Variants in RFX3 observed in about 807,000 individuals in gnomAD.
RFX3 encodes transcription factor RFX3.
In RFX3, 14 loss-of-function variants were observed where a neutral mutation model predicts 98.6. That is an observed-to-expected ratio of 0.14 (90% CI 0.09 to 0.22). RFX3 has a LOEUF of 0.22. Among genes scored for constraint, RFX3 ranks in the 10% least tolerant of loss-of-function variants. The pLI is 1.00. For missense variants in RFX3, 639 were observed against 926.9 expected, an observed-to-expected ratio of 0.69 and a Z score of 4.03; for synonymous variants, 383 against 328.4, an observed-to-expected ratio of 1.17 and a Z score of -1.80.
chr9:3,255,928 G>GA (rs1822077682), intron 14 of RFX3, among the ~76,000 whole-genome samples: 1 of 151,748 alleles, frequency 6.6e-6, no homozygotes, highest in African/African-American at 2.4e-5. Flanking sequence ...AGAGCTTTGT[G>GA]AAAAAAATCC....
intron 5 of RFX3, among the ~76,000 whole-genome samples, chr9:3,294,422 A>G (rs1328517849): frequency 6.6e-6 from 1 of 152,162 alleles, no homozygotes; most frequent in Admixed American, 6.5e-5. Flanking sequence ...AGCACCAACC[A>G]TGAGCCAAGT....
rs58128098 is a variant in RFX3, at chr9:3,504,238, T to C, written c.-9+21509A>G. Among the ~76,000 whole-genome samples the C allele has an allele frequency of 1.6e-4, 21 of 130,192 alleles. No individual in the cohort carries two copies. The East Asian group carries it at 4.4e-3, about 27-fold the overall frequency. 85.4% of individuals were successfully genotyped at this position (130,192 alleles called of 152,430 possible). ...ATATACTATATTATATACTATATAT[T>C]ATATATATATTTTATATATAATATA... On this transcript the variant is annotated intron_variant, in intron 1 of 16. Coordinates refer to ENST00000617270, the MANE Select transcript of RFX3 (RefSeq NM_001282116.2).
At chr9:3,366,703 TTTC>T (rs746390387) in intron 2 of RFX3, among the ~76,000 whole-genome samples, 17 of 118,280 alleles carry the variant, frequency 1.4e-4, no homozygotes, top group South Asian at 1.3e-3. Context: ...CCTTTCTTTC[TTTC>T]TTTCTTTCTT....
Position 3,224,873 on chromosome 9 carries a change from A to T in RFX3, c.*169T>A, listed in dbSNP as rs528662639. 6 of 573,748 alleles carry T rather than the reference A, an allele frequency of 1.0e-5. No homozygotes were observed. The highest frequency in any genetic ancestry group is 8.7e-6 in the Non-Finnish European group (3 of 343,552). The allele number at this position is 573,748 out of a possible 1,614,324, so 35.5% of individuals were successfully genotyped here. A position where few individuals can be genotyped will look rare whatever the true frequency, so the allele number is the denominator to read the frequency against. ...GCAAATAATTTGTTTACGTTAAAAA[A>T]AAAGATCTGGCAAAATACATACACC... On this transcript the variant is annotated 3_prime_UTR_variant, in exon 17 of 17. Transcript: ENST00000617270.
At chr9:3,499,295 C>G (rs1474610707) in intron 1 of RFX3, among the ~76,000 whole-genome samples, 2 of 151,948 alleles carry the variant, frequency 1.3e-5, no homozygotes, top group African/African-American at 2.4e-5. Flanking sequence ...TAAGTTAAAA[C>G]TAGGAATCCC....
At chr9:3,480,804 C>A (rs935376614) in intron 1 of RFX3, among the ~76,000 whole-genome samples, 4 of 150,506 alleles carry the variant, frequency 2.7e-5, no homozygotes, top group African/African-American at 7.4e-5. Context: ...ACATGCCCTG[C>A]CTGTCTTAGA....
chr9:3,340,516 C>T (rs932679809), intron 3 of RFX3, among the ~76,000 whole-genome samples: 1 of 152,056 alleles, frequency 6.6e-6, no homozygotes, highest in Admixed American at 6.5e-5. Flanking sequence ...TGACAGAGGG[C>T]TAATATCCAG....
chr9:3,369,629 G>A (rs1837580720), intron 2 of RFX3, among the ~76,000 whole-genome samples: 1 of 152,160 alleles, frequency 6.6e-6, no homozygotes, highest in Admixed American at 6.5e-5. Context: ...GACTGCTTCT[G>A]AAGATGTAAG....
intron 2 of RFX3, among the ~76,000 whole-genome samples, chr9:3,361,645 G>T (rs1836462580): frequency 7.9e-6 from 1 of 127,034 alleles, no homozygotes; most frequent in South Asian, 2.5e-4. Context: ...AACATAGTGA[G>T]ACCTTGTTTC....
At chr9:3,264,217 C>T (rs1197222848) in intron 12 of RFX3, among the ~76,000 whole-genome samples, 2 of 152,176 alleles carry the variant, frequency 1.3e-5, no homozygotes, top group African/African-American at 4.8e-5. Flanking sequence ...AAAATGTCTA[C>T]ATGAAATCTA....
chr9:3,376,699 C>T (rs1416495689), intron 2 of RFX3, among the ~76,000 whole-genome samples: 1 of 152,064 alleles, frequency 6.6e-6, no homozygotes, highest in Non-Finnish European at 1.5e-5. Context: ...ACTCATCTGA[C>T]AAAGGGCTAA....
At chr9:3,389,734 A>G (rs1382576488) in intron 2 of RFX3, among the ~76,000 whole-genome samples, 1 of 152,154 alleles carries the variant, frequency 6.6e-6, no homozygotes, top group Non-Finnish European at 1.5e-5. Context: ...TGTATAAGGT[A>G]TATATAAAAA....
rs371453258 is a variant in RFX3 at position 3,263,092 on chromosome 9, G to A, written c.1456-8C>T. 2.4e-5 allele frequency: 38 copies of A among 1,611,844 alleles called. No individual in the cohort carries two copies. The East Asian group carries it at 4.5e-4, about 19-fold the overall frequency. ...GGCACTTACAGCGGCAACCTGTAAC[G>A]CAATCCAATTAAGTTGGGATTCTGT... On this transcript the variant is annotated splice_region_variant and splice_polypyrimidine_tract_variant and intron_variant, in intron 12 of 16. Coordinates refer to ENST00000617270, the MANE Select transcript of RFX3 (RefSeq NM_001282116.2).
intron 1 of RFX3, among the ~76,000 whole-genome samples, chr9:3,484,950 A>G (rs1375424429): frequency 6.7e-6 from 1 of 150,072 alleles, no homozygotes; most frequent in Non-Finnish European, 1.5e-5. Flanking sequence ...AAAGGAAAAA[A>G]AAAAGCTGGG....
intron 1 of RFX3, among the ~76,000 whole-genome samples, chr9:3,513,532 G>A (rs1054844872): frequency 1.6e-4 from 25 of 152,110 alleles, no homozygotes; most frequent in African/African-American, 6.0e-4. Flanking sequence ...AAAGCTCCCA[G>A]ATAATGTACA....
At chr9:3,457,113 C>G (rs1847247482) in intron 1 of RFX3, among the ~76,000 whole-genome samples, 1 of 132,204 alleles carries the variant, frequency 7.6e-6, no homozygotes, top group African/African-American at 3.0e-5. Context: ...TGCGCTCCAG[C>G]CTGGCAACAG....
At chr9:3,226,815 G>A (rs1380028338) in intron 16 of RFX3, among the ~76,000 whole-genome samples, 1 of 152,098 alleles carries the variant, frequency 6.6e-6, no homozygotes, top group Admixed American at 6.5e-5. Flanking sequence ...ATGTCTGTAA[G>A]GATCTTAACA....
intron 2 of RFX3, among the ~76,000 whole-genome samples, chr9:3,392,667 A>T (rs1840437002): frequency 6.6e-6 from 1 of 152,132 alleles, no homozygotes; most frequent in Non-Finnish European, 1.5e-5. Flanking sequence ...GCCTGCATCA[A>T]TGCACATCAT....
chr9:3,253,791 T>C (rs1004278064), intron 14 of RFX3, among the ~76,000 whole-genome samples: 6 of 152,218 alleles, frequency 3.9e-5, no homozygotes, highest in African/African-American at 1.4e-4. Context: ...AAATTTATAA[T>C]GGCATTTACA....
Sources: allele counts gnomAD v4.1 joint callset (sites outside exome capture counted in the v4.1 genomes callset), GRCh38; gene constraint gnomAD v4.1.1; transcripts MANE v1.5; gene names NCBI Gene and HGNC (gene_info 2026-07-23, HGNC 2026-07-21).